GUCY1A2: variants seen among roughly 807,000 people sequenced by gnomAD.
GUCY1A2 encodes the protein guanylate cyclase 1 soluble subunit alpha 2.
GUCY1A2 carries 27 observed loss-of-function variants against 63.5 expected under a neutral mutation model. The observed-to-expected ratio is 0.43, with a 90% CI of 0.31 to 0.59. The LOEUF (loss-of-function observed/expected upper bound fraction) is 0.59, where lower values mean the gene tolerates loss of function less well. Ranked by LOEUF, GUCY1A2 falls within the 20% of genes least tolerant of loss-of-function variation. The pLI is 0.11. For missense variants in GUCY1A2, 768 were observed against 913.3 expected, an observed-to-expected ratio of 0.84 and a Z score of 2.05; for synonymous variants, 364 against 343.5, an observed-to-expected ratio of 1.06 and a Z score of -0.66.
chr11:106,874,668 A>G (rs1859725678), intron 4 of GUCY1A2, among the ~76,000 whole-genome samples: 1 of 152,090 alleles, frequency 6.6e-6, no homozygotes. Context: ...AGCAAACCAG[A>G]AAAAAGAAAT....
chr11:107,004,219 T>C (rs533650938), intron 1 of GUCY1A2, among the ~76,000 whole-genome samples: 41 of 152,298 alleles, frequency 2.7e-4, no homozygotes, highest in Middle Eastern at 3.4e-3. Flanking sequence ...TTGAAATATA[T>C]AAAATACTGA....
At chr11:106,798,183 G>T (rs910749382) in intron 5 of GUCY1A2, among the ~76,000 whole-genome samples, 3 of 151,988 alleles carry the variant, frequency 2.0e-5, no homozygotes, top group African/African-American at 4.8e-5. Context: ...ATAAATTCCT[G>T]GACACATACA....
At chr11:106,983,016 A>C (rs1464023393) in intron 2 of GUCY1A2, among the ~76,000 whole-genome samples, 1 of 152,206 alleles carries the variant, frequency 6.6e-6, no homozygotes, top group Admixed American at 6.5e-5. Context: ...CTCTGGGAGC[A>C]GGGCCCAGTA....
At chr11:106,847,240 A>AT (rs1565308618) in intron 4 of GUCY1A2, among the ~76,000 whole-genome samples, 7 of 145,420 alleles carry the variant, frequency 4.8e-5, no homozygotes, top group Admixed American at 3.5e-4. Flanking sequence ...TCAAAAAAAA[A>AT]AATATATATA....
intron 3 of GUCY1A2, among the ~76,000 whole-genome samples, chr11:106,961,998 CCAAA>C (rs1360714815): frequency 9.2e-5 from 14 of 152,112 alleles, no homozygotes; most frequent in Non-Finnish European, 2.1e-4. Context: ...TCAGAACTAT[CCAAA>C]CAAAGACTTA....
chr11:106,799,598 C>T (rs567020813), intron 5 of GUCY1A2, among the ~76,000 whole-genome samples: 2 of 152,152 alleles, frequency 1.3e-5, no homozygotes, highest in East Asian at 3.9e-4. Flanking sequence ...ACATCTACAA[C>T]TATCTGATCT....
intron 5 of GUCY1A2, among the ~76,000 whole-genome samples, chr11:106,789,586 A>G (rs1161507372): frequency 6.6e-6 from 1 of 152,084 alleles, no homozygotes; most frequent in Non-Finnish European, 1.5e-5. Flanking sequence ...TTCAGAATTT[A>G]TTGCAGTCTT....
chr11:106,939,357 G>C (rs1434893399), intron 4 of GUCY1A2, 103 bp downstream of exon 4: 15 of 686,990 alleles, frequency 2.2e-5, no homozygotes, highest in Non-Finnish European at 3.5e-5. Flanking sequence ...GGCACTTTAA[G>C]CTCTCTTGCC....
intron 4 of GUCY1A2, among the ~76,000 whole-genome samples, chr11:106,932,144 G>C (rs1860611091): frequency 6.6e-6 from 1 of 152,014 alleles, no homozygotes; most frequent in Non-Finnish European, 1.5e-5. Context: ...TTATCCCTGA[G>C]AACCTACAAA....
At chr11:107,012,875 A>G (rs1374812620) in intron 1 of GUCY1A2, among the ~76,000 whole-genome samples, 1 of 152,172 alleles carries the variant, frequency 6.6e-6, no homozygotes, top group Non-Finnish European at 1.5e-5. Context: ...CCAATAGCCT[A>G]CCTTACGAAT....
chr11:106,724,023 G>A (rs761607880), intron 6 of GUCY1A2, among the ~76,000 whole-genome samples: 5 of 152,084 alleles, frequency 3.3e-5, no homozygotes, highest in South Asian at 2.1e-4. Flanking sequence ...CTCCATTCCC[G>A]TTCAGTTTAC....
chr11:106,974,092 A>C (rs545169491), intron 3 of GUCY1A2, among the ~76,000 whole-genome samples: 2 of 152,184 alleles, frequency 1.3e-5, no homozygotes, highest in Admixed American at 6.5e-5. Context: ...AAATCACTAC[A>C]TTATAGTAAC....
chr11:106,724,829 A>T (rs1017387681), intron 6 of GUCY1A2, among the ~76,000 whole-genome samples: 18 of 152,136 alleles, frequency 1.2e-4, no homozygotes, highest in Non-Finnish European at 2.5e-4. Flanking sequence ...AGAGTGTGCA[A>T]CACTCTGTGT....
intron 6 of GUCY1A2, among the ~76,000 whole-genome samples, chr11:106,749,075 ATACT>A (rs368645476): frequency 6.6e-6 from 1 of 152,060 alleles, no homozygotes; most frequent in Non-Finnish European, 1.5e-5. Flanking sequence ...GGATACATAA[ATACT>A]TACCATCATG....
intron 6 of GUCY1A2, among the ~76,000 whole-genome samples, chr11:106,754,604 T>C (rs1863940339): frequency 6.6e-6 from 1 of 152,226 alleles, no homozygotes; most frequent in Non-Finnish European, 1.5e-5. Flanking sequence ...TCTGCAGCTA[T>C]TGAGATAATC....
intron 5 of GUCY1A2, among the ~76,000 whole-genome samples, chr11:106,788,684 G>A (rs1413815542): frequency 6.6e-6 from 1 of 152,044 alleles, no homozygotes; most frequent in Non-Finnish European, 1.5e-5. Context: ...GTATGTTCTT[G>A]GCACCTTTGT....
chr11:106,828,921 A>G (rs894346171), intron 4 of GUCY1A2, among the ~76,000 whole-genome samples: 2 of 152,224 alleles, frequency 1.3e-5, no homozygotes, highest in Non-Finnish European at 2.9e-5. Context: ...TAACAACTTT[A>G]TTAATGATTT....
intron 4 of GUCY1A2, among the ~76,000 whole-genome samples, chr11:106,876,955 G>C (rs1859758193): frequency 6.6e-6 from 1 of 152,010 alleles, no homozygotes; most frequent in Admixed American, 6.6e-5. Context: ...TCTTGAGATG[G>C]AGCAATTATT....
At chr11:106,878,817 G>C (rs1200167246) in intron 4 of GUCY1A2, among the ~76,000 whole-genome samples, 1 of 151,586 alleles carries the variant, frequency 6.6e-6, no homozygotes, top group Non-Finnish European at 1.5e-5. Flanking sequence ...GTTGGAAAGG[G>C]GAAGCAAATG....
Sources: gnomAD v4.1 joint callset for allele counts (sites outside exome capture counted in the v4.1 genomes callset) on GRCh38, gnomAD v4.1.1 for gene constraint, MANE v1.5 for transcripts, NCBI Gene and HGNC (gene_info 2026-07-23, HGNC 2026-07-21) for gene names.